The following KYNU variants were observed in gnomAD, a reference collection of about 807,000 sequenced individuals.
KYNU encodes kynureninase.
KYNU carries 54 observed loss-of-function variants against 59.2 expected under a neutral mutation model. The observed-to-expected ratio is 0.91, with a 90% CI of 0.73 to 1.14. KYNU has a LOEUF of 1.14. KYNU is among the 50% of genes most tolerant of loss of function. The pLI, the probability that KYNU is intolerant of heterozygous loss-of-function variation, is 0.00. For missense variants in KYNU, 567 were observed against 554.4 expected, an observed-to-expected ratio of 1.02 and a Z score of -0.23; for synonymous variants, 177 against 192.0, an observed-to-expected ratio of 0.92 and a Z score of 0.65.
intron 4 of KYNU, among the ~76,000 whole-genome samples, chr2:142,928,097 A>G (rs1333991190): frequency 5.3e-5 from 8 of 152,208 alleles, no homozygotes; most frequent in Non-Finnish European, 1.0e-4. Flanking sequence ...TATTTGATAT[A>G]ATGAACATTT....
At chr2:143,041,338 G>A (rs1687038833) in intron 13 of KYNU, among the ~76,000 whole-genome samples, 1 of 151,978 alleles carries the variant, frequency 6.6e-6, no homozygotes, top group South Asian at 2.1e-4. Flanking sequence ...GGAGACACAA[G>A]TCAGAAATTC....
At chr2:142,991,439 A>C (rs1685396437) in intron 10 of KYNU, among the ~76,000 whole-genome samples, 1 of 151,924 alleles carries the variant, frequency 6.6e-6, no homozygotes, top group Non-Finnish European at 1.5e-5. Flanking sequence ...TAGATTTCTC[A>C]GTGAGTTTTT....
At chr2:143,005,079 A>G (rs1429806887) in intron 10 of KYNU, among the ~76,000 whole-genome samples, 2 of 152,154 alleles carry the variant, frequency 1.3e-5, no homozygotes, top group East Asian at 1.9e-4. Context: ...GACTCTAGGG[A>G]TATGTTTTCC....
intron 8 of KYNU, 119 bp from the exon 9 acceptor site, chr2:142,984,965 C>G: frequency 1.4e-6 from 1 of 733,612 alleles, no homozygotes; most frequent in Non-Finnish European, 2.5e-6. Context: ...ACCATTGCAT[C>G]AAAGAGCAAA....
At chr2:142,960,820 T>G (rs191365300) in intron 8 of KYNU, 50 bp downstream of exon 8, 1 of 1,557,140 alleles carries the variant, frequency 6.4e-7, no homozygotes, top group Non-Finnish European at 8.9e-7. Flanking sequence ...ATCACTCTAC[T>G]TAAGAGTGTT....
At chr2:142,910,472 T>G (rs1362558222) in intron 2 of KYNU, among the ~76,000 whole-genome samples, 1 of 152,164 alleles carries the variant, frequency 6.6e-6, no homozygotes, top group Non-Finnish European at 1.5e-5. Flanking sequence ...AGTCTGGATA[T>G]TAAATATTTG....
In KYNU at chr2:143,033,110, T is replaced by G. The variant is rs531461473; in HGVS notation, c.956-126T>G. 6 of 764,888 alleles carry G rather than the reference T, an allele frequency of 7.8e-6. No individual in the cohort carries two copies. In the East Asian group the frequency reaches 1.5e-4, roughly 19 times the overall value. 47.4% of individuals were successfully genotyped at this position (764,888 alleles called of 1,614,324 possible). On this transcript the variant is annotated intron_variant, in intron 11 of 13. Transcript: ENST00000264170. Reference sequence around the variant, plus strand: ...TTAGTTCCATGGAGCTTATCTTAAATATCTCAGAAATCCTACTTAGGAAGA... The same window carrying G: ...TTAGTTCCATGGAGCTTATCTTAAAGATCTCAGAAATCCTACTTAGGAAGA...
chr2:142,936,366 G>T (rs1683390607), intron 4 of KYNU, among the ~76,000 whole-genome samples: 1 of 152,162 alleles, frequency 6.6e-6, no homozygotes, highest in African/African-American at 2.4e-5. Flanking sequence ...AAAAGACGGG[G>T]CACTTAGGGT....
intron 8 of KYNU, among the ~76,000 whole-genome samples, chr2:142,973,641 A>G (rs912884590): frequency 1.3e-5 from 2 of 152,190 alleles, no homozygotes; most frequent in African/African-American, 2.4e-5. Flanking sequence ...GCTGCAAACC[A>G]CTGGAGAGAA....
At chr2:142,987,433 A>G (rs1367736381) in intron 10 of KYNU, among the ~76,000 whole-genome samples, 1 of 151,966 alleles carries the variant, frequency 6.6e-6, no homozygotes, top group Non-Finnish European at 1.5e-5. Flanking sequence ...CAGCATGGAC[A>G]AGGAACAAGG....
intron 4 of KYNU, among the ~76,000 whole-genome samples, chr2:142,953,134 C>G (rs1222393415): frequency 2.0e-5 from 3 of 152,146 alleles, no homozygotes; most frequent in African/African-American, 4.8e-5. Flanking sequence ...AATCCAGTTT[C>G]TCAGAAAGAA....
At chr2:143,007,214 G>A (rs1275402751) in intron 10 of KYNU, among the ~76,000 whole-genome samples, 3 of 150,314 alleles carry the variant, frequency 2.0e-5, no homozygotes, top group African/African-American at 7.5e-5. Flanking sequence ...GTGCTTAAAG[G>A]AGCTGATGGA....
intron 2 of KYNU, among the ~76,000 whole-genome samples, chr2:142,914,410 C>T (rs1158056199): frequency 6.6e-6 from 1 of 152,196 alleles, no homozygotes; most frequent in Non-Finnish European, 1.5e-5. Context: ...TCCATGAGAG[C>T]AGCATATACT....
intron 8 of KYNU, among the ~76,000 whole-genome samples, chr2:142,965,447 C>G (rs201059547): frequency 2.3e-5 from 3 of 129,760 alleles, no homozygotes; most frequent in Non-Finnish European, 4.8e-5. Context: ...AGACTTGAGG[C>G]AAGGGGCTGC....
chr2:142,918,196 G>T (rs936091614), intron 2 of KYNU, among the ~76,000 whole-genome samples: 1 of 152,002 alleles, frequency 6.6e-6, no homozygotes. Context: ...TAAAAAAATT[G>T]CCATGTCTAC....
chr2:142,898,233 C>T (rs1268608361), intron 2 of KYNU, among the ~76,000 whole-genome samples: 2 of 152,054 alleles, frequency 1.3e-5, no homozygotes, highest in African/African-American at 4.8e-5. Context: ...TTAACTTCCA[C>T]AGAGATGTTT....
At chr2:143,001,194 G>C (rs1685700697) in intron 10 of KYNU, among the ~76,000 whole-genome samples, 2 of 152,072 alleles carry the variant, frequency 1.3e-5, no homozygotes, top group Non-Finnish European at 2.9e-5. Context: ...ACAAAGGCAT[G>C]AACACTAGGA....
intron 10 of KYNU, among the ~76,000 whole-genome samples, chr2:143,012,225 T>C (rs1025067389): frequency 1.3e-5 from 2 of 152,132 alleles, no homozygotes; most frequent in African/African-American, 2.4e-5. Flanking sequence ...CTCACGCCTG[T>C]AATCCCAGCA....
intron 8 of KYNU, among the ~76,000 whole-genome samples, chr2:142,966,315 A>C (rs1684531386): frequency 6.6e-6 from 1 of 152,198 alleles, no homozygotes; most frequent in African/African-American, 2.4e-5. Context: ...TCAGGTTTCC[A>C]AAAGATTCAT....
Sources: allele counts gnomAD v4.1 joint callset (sites outside exome capture counted in the v4.1 genomes callset), GRCh38; gene constraint gnomAD v4.1.1; transcripts MANE v1.5; gene names NCBI Gene and HGNC (gene_info 2026-07-23, HGNC 2026-07-21).